Variants in RALGAPA2 observed in about 807,000 individuals in gnomAD.
RALGAPA2 encodes ral GTPase-activating protein subunit alpha-2.
A neutral mutation model predicts 230.4 loss-of-function variants in RALGAPA2; 139 were observed. That is an observed-to-expected ratio of 0.60 (90% CI 0.53 to 0.69). The LOEUF (loss-of-function observed/expected upper bound fraction) is 0.69, where lower values mean the gene tolerates loss of function less well. RALGAPA2 is among the 30% of genes least tolerant of loss of function. RALGAPA2 has a pLI of 0.00. For synonymous variants in RALGAPA2, 847 were observed against 837.8 expected (o/e 1.01, Z -0.19); for missense variants, 2,163 against 2,276.0 (o/e 0.95, Z 1.01).
chr20:20,625,472 AAAAC>A (rs1254872799), intron 10 of RALGAPA2, among the ~76,000 whole-genome samples: 4 of 152,214 alleles, frequency 2.6e-5, no homozygotes, highest in African/African-American at 9.7e-5. Flanking sequence ...ATCAACCAAT[AAAAC>A]AACCTAATGA....
At chr20:20,692,066 C>T (rs1372098522) in intron 1 of RALGAPA2, among the ~76,000 whole-genome samples, 2 of 152,132 alleles carry the variant, frequency 1.3e-5, no homozygotes, top group Non-Finnish European at 2.9e-5. Context: ...TTCCTAAGGC[C>T]CTCAAAAGAG....
At chr20:20,575,073 C>T (rs2064776129) in intron 20 of RALGAPA2, among the ~76,000 whole-genome samples, 1 of 152,170 alleles carries the variant, frequency 6.6e-6, no homozygotes, top group African/African-American at 2.4e-5. Flanking sequence ...TGACTCTCAC[C>T]TGGTCTTCTT....
At chr20:20,477,334 AT>A (rs2061675660) in intron 36 of RALGAPA2, among the ~76,000 whole-genome samples, 1 of 152,234 alleles carries the variant, frequency 6.6e-6, no homozygotes. Flanking sequence ...CAGAAAACAC[AT>A]TCATTTCAAG....
At chr20:20,433,497 TA>T (rs2060540839) in intron 37 of RALGAPA2, among the ~76,000 whole-genome samples, 1 of 152,318 alleles carries the variant, frequency 6.6e-6, no homozygotes, top group African/African-American at 2.4e-5. Context: ...AAAACAGGAA[TA>T]AGCTCTTTGA....
chr20:20,699,197 A>G (rs1171122810), intron 1 of RALGAPA2, among the ~76,000 whole-genome samples: 1 of 152,176 alleles, frequency 6.6e-6, no homozygotes, highest in Admixed American at 6.5e-5. Flanking sequence ...TTTCCAGTTC[A>G]TTATTTACTT....
chr20:20,564,712 G>A (rs2064359319), intron 23 of RALGAPA2, among the ~76,000 whole-genome samples: 1 of 152,212 alleles, frequency 6.6e-6, no homozygotes, highest in East Asian at 1.9e-4. Flanking sequence ...GGGCCCCATG[G>A]CCAGTGAGTG....
At chr20:20,686,640 T>C (rs944630141) in intron 1 of RALGAPA2, among the ~76,000 whole-genome samples, 13 of 152,160 alleles carry the variant, frequency 8.5e-5, no homozygotes, top group Admixed American at 3.9e-4. Context: ...GTCAGCATTA[T>C]AGAAATGTCA....
At position 20,605,399 on chromosome 20, in the gene RALGAPA2, G is replaced by A. The variant is rs201134653; in HGVS notation, c.1814C>T (p.Ala605Val). The change falls in exon 15 of 40, where the codon GCT (alanine) becomes GTT (valine). Residue 605 changes from alanine (A) to valine (V), a missense_variant. Physicochemically the swap from Ala to Val is moderately conservative, Grantham distance 64. Transcript: ENST00000202677. ...AGLLFRTLMV[A>V]WIRANLCVYI... Reference sequence around the variant, plus strand: ...CACACAGAGGTTTGCTCGGATCCAAGCTACCATGAGCGTCTAAAACCAACC... The same window carrying A: ...CACACAGAGGTTTGCTCGGATCCAAACTACCATGAGCGTCTAAAACCAACC... The A allele has an allele frequency of 1.5e-4, 245 of 1,613,026 alleles. No individual in the cohort carries two copies. Among genetic ancestry groups the A allele is most frequent in the Non-Finnish European group, 1.6e-4 (193 of 1,179,304 alleles).
At chr20:20,606,815 T>C (rs1258353398) in intron 14 of RALGAPA2, among the ~76,000 whole-genome samples, 1 of 152,222 alleles carries the variant, frequency 6.6e-6, no homozygotes, top group Non-Finnish European at 1.5e-5. Context: ...ATTATGCCTA[T>C]ATGCTGGATA....
intron 12 of RALGAPA2, among the ~76,000 whole-genome samples, chr20:20,617,346 T>C (rs1396385733): frequency 6.6e-6 from 1 of 152,206 alleles, no homozygotes; most frequent in African/African-American, 2.4e-5. Flanking sequence ...GTCCCAATTT[T>C]CTAAGAAAAA....
chr20:20,707,500 C>T (rs2069652478), intron 1 of RALGAPA2, among the ~76,000 whole-genome samples: 1 of 152,028 alleles, frequency 6.6e-6, no homozygotes, highest in South Asian at 2.1e-4. Context: ...AATGTTTGTA[C>T]TTAAAAATGA....
At chr20:20,469,132 T>G (rs2123362552) in intron 37 of RALGAPA2, among the ~76,000 whole-genome samples, 1 of 152,326 alleles carries the variant, frequency 6.6e-6, no homozygotes, top group Admixed American at 6.5e-5. Context: ...GCAACGACTG[T>G]GCCTGGCACA....
intron 1 of RALGAPA2, among the ~76,000 whole-genome samples, chr20:20,706,409 A>G (rs2147025295): frequency 6.6e-6 from 1 of 152,338 alleles, no homozygotes; most frequent in South Asian, 2.1e-4. Context: ...ACAGAGAGAG[A>G]CCATACTAAG....
chr20:20,654,741 T>A (rs1000038343), intron 3 of RALGAPA2, among the ~76,000 whole-genome samples: 1 of 152,230 alleles, frequency 6.6e-6, no homozygotes, highest in Non-Finnish European at 1.5e-5. Flanking sequence ...TGATTTTAAT[T>A]CCTTGGGACA....
At chr20:20,493,398 G>C (rs1273147231) in intron 36 of RALGAPA2, among the ~76,000 whole-genome samples, 2 of 152,054 alleles carry the variant, frequency 1.3e-5, no homozygotes, top group Non-Finnish European at 2.9e-5. Flanking sequence ...AATTCATCTT[G>C]TCAGAATTTA....
chr20:20,400,657 C>T (rs1055280576), intron 38 of RALGAPA2, among the ~76,000 whole-genome samples: 26 of 152,252 alleles, frequency 1.7e-4, no homozygotes, highest in East Asian at 3.9e-4. Context: ...CCAAGATTTC[C>T]GCTGCATCTT....
At chr20:20,511,411 T>C in intron 32 of RALGAPA2, 86 bp from the exon 33 acceptor site, 1 of 1,478,788 alleles carries the variant, frequency 6.8e-7, no homozygotes, top group African/African-American at 1.4e-5. Flanking sequence ...TAAAAATACC[T>C]ATCATCCATC....
At chr20:20,593,002 C>T (rs892465250) in intron 16 of RALGAPA2, among the ~76,000 whole-genome samples, 2 of 152,020 alleles carry the variant, frequency 1.3e-5, no homozygotes, top group African/African-American at 4.8e-5. Flanking sequence ...ACTGCACACT[C>T]GACCCCCCTG....
chr20:20,476,913 T>G (rs375653707), intron 36 of RALGAPA2, among the ~76,000 whole-genome samples: 1 of 152,030 alleles, frequency 6.6e-6, no homozygotes, highest in Non-Finnish European at 1.5e-5. Flanking sequence ...CACAACTACA[T>G]GTAACATCAT....
Sources: allele counts gnomAD v4.1 joint callset (sites outside exome capture counted in the v4.1 genomes callset), GRCh38; gene constraint gnomAD v4.1.1; transcripts MANE v1.5; gene names NCBI Gene and HGNC (gene_info 2026-07-23, HGNC 2026-07-21).